Variants in FBN2 observed in about 807,000 individuals in gnomAD.
FBN2 encodes fibrillin 2, also known as fibrillin-2.
A neutral mutation model predicts 355.6 loss-of-function variants in FBN2; 105 were observed. The observed-to-expected ratio is 0.30, with a 90% CI of 0.25 to 0.35. FBN2 has a LOEUF of 0.35. Among genes scored for constraint, FBN2 ranks in the 10% least tolerant of loss-of-function variants. The pLI is 1.00. For missense variants in FBN2, 3,280 were observed against 3,758.7 expected (o/e 0.87, Z 3.33); for synonymous variants, 1,350 against 1,301.2 (o/e 1.04, Z -0.81).
chr5:128,320,600 A>G (rs768523136), intron 34 of FBN2, among the ~76,000 whole-genome samples: 46 of 152,206 alleles, frequency 3.0e-4, no homozygotes, highest in Non-Finnish European at 5.4e-4. Context: ...TTAAAAGATT[A>G]CTGTCTTTCC....
In FBN2 at chr5:128,267,336, C is replaced by T. The variant is rs370635227; in HGVS notation, c.7961-3680G>A. On this transcript the variant is annotated intron_variant, in intron 62 of 64. Transcript: ENST00000262464. ...ATCTATATTCCTGTGGGTATATATC[C>T]AGTAATGGGATTGCTGGGTCAAATG... 6.2e-4 allele frequency among the ~76,000 whole-genome samples: 94 copies of T among 152,230 alleles called. No individual in the cohort carries two copies. In the Middle Eastern group the frequency reaches 0.01, roughly 17 times the overall value.
Position 128,307,125 on chromosome 5 carries a change from A to C in FBN2, c.5422+10T>G. The C allele has an allele frequency of 6.3e-7, 1 of 1,580,876 alleles. No homozygotes were observed. The highest frequency in any genetic ancestry group is 8.7e-7 in the Non-Finnish European group (1 of 1,150,128). On this transcript the variant is annotated intron_variant, in intron 42 of 64. Coordinates refer to ENST00000262464, the MANE Select transcript of FBN2 (RefSeq NM_001999.4). The stretch of plus-strand genomic sequence containing the variant: ...ATGTATTAAAACAAACATAATCTGG[A>C]AAAACTCACCAACAGCTTTTCCTGT...
intron 5 of FBN2, among the ~76,000 whole-genome samples, chr5:128,517,510 C>T (rs1374918477): frequency 6.6e-6 from 1 of 152,038 alleles, no homozygotes; most frequent in Non-Finnish European, 1.5e-5. Flanking sequence ...TAAATTCATC[C>T]TAAGTGTAAC....
At chr5:128,483,800 C>T (rs377247705) in intron 5 of FBN2, among the ~76,000 whole-genome samples, 3 of 152,030 alleles carry the variant, frequency 2.0e-5, no homozygotes, top group Admixed American at 6.6e-5. Context: ...ACATTTTAAG[C>T]GATAATAGCT....
At chr5:128,359,924 A>T (rs528828939) in intron 19 of FBN2, among the ~76,000 whole-genome samples, 1 of 152,240 alleles carries the variant, frequency 6.6e-6, no homozygotes, top group Non-Finnish European at 1.5e-5. Context: ...TACATAGCAA[A>T]TAGAACCAGA....
In FBN2 at chr5:128,258,573, G is replaced by A. The variant is rs1171126164; in HGVS notation, c.*882C>T. 1 of 152,582 alleles carries A rather than the reference G, an allele frequency of 6.6e-6. No individual in the cohort carries two copies. The highest frequency in any genetic ancestry group is 1.5e-5 in the Non-Finnish European group (1 of 68,048). The allele number at this position is 152,582 out of a possible 1,614,324, so 9.5% of individuals were successfully genotyped here. On this transcript the variant is annotated 3_prime_UTR_variant, in exon 65 of 65. Transcript: ENST00000262464. ...CTTCAGCTGCCTACAGTACCATGAG[G>A]ACGCAGCGCACCCTGGGTAAGAATG...
chr5:128,506,702 C>T (rs766690226), intron 5 of FBN2, among the ~76,000 whole-genome samples: 34 of 152,224 alleles, frequency 2.2e-4, no homozygotes, highest in Admixed American at 8.5e-4. Flanking sequence ...ACAGAAGTGA[C>T]GAGAGTGACT....
intron 48 of FBN2, among the ~76,000 whole-genome samples, chr5:128,293,330 A>T (rs943371850): frequency 6.6e-6 from 1 of 152,158 alleles, no homozygotes; most frequent in Non-Finnish European, 1.5e-5. Context: ...CGTCTCTACT[A>T]TAAGTACAAA....
At position 128,310,386 on chromosome 5, in the gene FBN2, ATATATATATATATATATT is replaced by A. The variant is rs1415629306; in HGVS notation, c.5075-296_5075-279del. On this transcript the variant is annotated intron_variant, in intron 39 of 64. Coordinates refer to ENST00000262464, the MANE Select transcript of FBN2 (RefSeq NM_001999.4). ...GGCACATATATATATATATATATAT[ATATATATATATATATATT>A]TTTTTTTTTTTTTTTTTATTGCAAT... Among the ~76,000 whole-genome samples the A allele has an allele frequency of 3.0e-3, 94 of 31,446 alleles. 1 individual carries two copies. Among genetic ancestry groups the A allele is most frequent in the African/African-American group, 0.018 (90 of 5,022 alleles). 20.6% of individuals were successfully genotyped at this position (31,446 alleles called of 152,430 possible).
intron 6 of FBN2, among the ~76,000 whole-genome samples, chr5:128,458,286 T>A (rs1009959093): frequency 6.6e-6 from 1 of 150,390 alleles, no homozygotes; most frequent in Non-Finnish European, 1.5e-5. Context: ...GTTGAATTCA[T>A]AAAAGCACCC....
chr5:128,385,936 T>G (rs1033285487), intron 11 of FBN2, among the ~76,000 whole-genome samples: 4 of 152,148 alleles, frequency 2.6e-5, no homozygotes, highest in African/African-American at 9.7e-5. Flanking sequence ...TAGACCACTG[T>G]CAGAGGTGTA....
At chr5:128,515,077 G>A (rs1201829007) in intron 5 of FBN2, among the ~76,000 whole-genome samples, 1 of 152,100 alleles carries the variant, frequency 6.6e-6, no homozygotes, top group Non-Finnish European at 1.5e-5. Context: ...GGATTAACAA[G>A]TATATCAGTT....
At chr5:128,301,846 T>TA (rs1749728775) in intron 46 of FBN2, among the ~76,000 whole-genome samples, 1 of 152,200 alleles carries the variant, frequency 6.6e-6, no homozygotes, top group Admixed American at 6.5e-5. Context: ...GGCAGGAGGA[T>TA]ATGTGGGATT....
intron 62 of FBN2, among the ~76,000 whole-genome samples, chr5:128,270,397 C>T (rs553374744): frequency 1.3e-5 from 2 of 152,148 alleles, no homozygotes; most frequent in South Asian, 4.1e-4. Flanking sequence ...GGCATGGTGG[C>T]AGACTCCTGT....
intron 23 of FBN2, 148 bp from the exon 24 acceptor site, chr5:128,345,732 G>A (rs1751163655): frequency 1.4e-6 from 1 of 710,330 alleles, no homozygotes; most frequent in Non-Finnish European, 2.5e-6. Context: ...TCCTGGAATG[G>A]ACTCCATAAT....
chr5:128,459,098 C>A (rs181340450), intron 6 of FBN2, among the ~76,000 whole-genome samples: 144 of 152,142 alleles, frequency 9.5e-4, no homozygotes, highest in Admixed American at 3.4e-3. Flanking sequence ...CAAATAGACA[C>A]AATAAAAAAT....
intron 58 of FBN2, 79 bp from the exon 59 acceptor site, chr5:128,276,239 T>C: frequency 6.8e-7 from 1 of 1,464,548 alleles, no homozygotes; most frequent in Non-Finnish European, 9.5e-7. Flanking sequence ...TATTCTCACT[T>C]CATTCTTTTT....
chr5:128,290,262 T>C (rs1462133088), intron 50 of FBN2, among the ~76,000 whole-genome samples: 1 of 152,138 alleles, frequency 6.6e-6, no homozygotes, highest in East Asian at 1.9e-4. Context: ...TGGAGTTTGC[T>C]GGGAATTATC....
intron 5 of FBN2, among the ~76,000 whole-genome samples, chr5:128,500,984 T>C (rs1755794197): frequency 6.6e-6 from 1 of 152,174 alleles, no homozygotes; most frequent in Non-Finnish European, 1.5e-5. Context: ...ATCCTCAGCA[T>C]TAAGCACAAA....
Sources: gnomAD v4.1 joint callset for allele counts (sites outside exome capture counted in the v4.1 genomes callset) on GRCh38, gnomAD v4.1.1 for gene constraint, MANE v1.5 for transcripts, NCBI Gene and HGNC (gene_info 2026-07-23, HGNC 2026-07-21) for gene names.